Variants in MS4A18 observed in about 807,000 individuals in gnomAD.
MS4A18 encodes the protein membrane spanning 4-domains A18.
MS4A18 carries 27 observed loss-of-function variants against 13.1 expected under a neutral mutation model. That is an observed-to-expected ratio of 2.06 (90% confidence interval 1.52 to 2.84). The LOEUF is 2.84. Ranked by LOEUF, MS4A18 falls within the 30% of genes most tolerant of loss-of-function variation. MS4A18 has a pLI of 0.00. For synonymous variants in MS4A18, 126 were observed against 76.5 expected (o/e 1.65, Z -3.38); for missense variants, 307 against 196.4 (o/e 1.56, Z -3.37).
chr11:60,728,631 G>A (rs570713970), upstream of MS4A18, among the ~76,000 whole-genome samples: 4 of 151,450 alleles, frequency 2.6e-5, no homozygotes, highest in African/African-American at 4.8e-5. Flanking sequence ...CTTTCTCTGC[G>A]TGTGTGTCTG....
intron 2 of MS4A18, among the ~76,000 whole-genome samples, chr11:60,736,419 C>T (rs1853340683): frequency 6.6e-6 from 1 of 152,060 alleles, no homozygotes; most frequent in East Asian, 1.9e-4. Context: ...CTGAACAGAG[C>T]TCTTACTGCT....
At chr11:60,733,213 C>T (rs1375703898) in intron 1 of MS4A18, among the ~76,000 whole-genome samples, 3 of 152,238 alleles carry the variant, frequency 2.0e-5, no homozygotes, top group Non-Finnish European at 2.9e-5. Context: ...AGCCACAACC[C>T]GGGCTCGGCC....
At chr11:60,728,937 AC>A (rs1853207637), upstream of MS4A18, among the ~76,000 whole-genome samples, 1 of 151,916 alleles carries the variant, frequency 6.6e-6, no homozygotes, top group Admixed American at 6.6e-5. Flanking sequence ...TCAGTTGTTC[AC>A]CCCCAGATCA....
At chr11:60,744,945 C>A (rs1403048493), downstream of MS4A18, among the ~76,000 whole-genome samples, 2 of 152,218 alleles carry the variant, frequency 1.3e-5, no homozygotes, top group Non-Finnish European at 2.9e-5. Context: ...TATTATAAAG[C>A]AAAGTATACA....
upstream of MS4A18, among the ~76,000 whole-genome samples, chr11:60,726,806 A>C (rs147329367): frequency 9.7e-3 from 1,453 of 150,092 alleles, 17 homozygotes; most frequent in East Asian, 0.053. Flanking sequence ...CATGTGCAGA[A>C]CGTGCAGGCT....
At chr11:60,724,856 C>T (rs546120419), upstream of MS4A18, among the ~76,000 whole-genome samples, 8 of 152,140 alleles carry the variant, frequency 5.3e-5, no homozygotes, top group Non-Finnish European at 7.4e-5. Flanking sequence ...CCAGCAGAGA[C>T]GTGGACCTAG....
At chr11:60,728,757 C>T (rs1853205184), upstream of MS4A18, among the ~76,000 whole-genome samples, 1 of 151,880 alleles carries the variant, frequency 6.6e-6, no homozygotes, top group African/African-American at 2.4e-5. Flanking sequence ...CTCTCCCTCC[C>T]CCAATGCTTC....
chr11:60,741,221 A>T (rs1014099186), intron 5 of MS4A18, 78 bp downstream of exon 6: 2 of 700,116 alleles, frequency 2.9e-6, no homozygotes, highest in African/African-American at 3.5e-5. Context: ...GTAACCAGAG[A>T]TCTGGAGAAA....
At chr11:60,736,353 G>T (rs1853339463) in intron 2 of MS4A18, among the ~76,000 whole-genome samples, 3 of 151,602 alleles carry the variant, frequency 2.0e-5, no homozygotes, top group Admixed American at 2.0e-4. Flanking sequence ...CTCATAGCCA[G>T]AAAGTGCTGG....
intron 2 of MS4A18, among the ~76,000 whole-genome samples, chr11:60,735,736 T>C (rs1853329852): frequency 7.0e-6 from 1 of 142,628 alleles, no homozygotes. Context: ...CAATCTTGGC[T>C]CACTTCAACC....
intron 3 of MS4A18, among the ~76,000 whole-genome samples, chr11:60,738,370 C>A (rs1853371697): frequency 1.3e-5 from 2 of 152,336 alleles, no homozygotes; most frequent in South Asian, 4.1e-4. Context: ...GGGACCAAGT[C>A]TCCCCGACTC....
intron 1 of MS4A18, among the ~76,000 whole-genome samples, chr11:60,732,149 A>G (rs769535761): frequency 3.4e-4 from 51 of 152,102 alleles, no homozygotes; most frequent in Non-Finnish European, 2.1e-4. Context: ...AGGAGCCCCA[A>G]ATGAGAGGGG....
At chr11:60,735,215 A>G (rs916192803) in intron 2 of MS4A18, among the ~76,000 whole-genome samples, 2 of 152,206 alleles carry the variant, frequency 1.3e-5, no homozygotes, top group Non-Finnish European at 2.9e-5. Context: ...ATGAACACCT[A>G]CGTGTCCACC....
chr11:60,734,400 T>C (rs1162088576), intron 2 of MS4A18, among the ~76,000 whole-genome samples: 1 of 152,204 alleles, frequency 6.6e-6, no homozygotes, highest in Non-Finnish European at 1.5e-5. Context: ...AACCATTTGG[T>C]AGCAGGAAGT....
upstream of MS4A18, among the ~76,000 whole-genome samples, chr11:60,725,256 C>G (rs566571937): frequency 2.0e-5 from 3 of 152,112 alleles, no homozygotes; most frequent in Non-Finnish European, 4.4e-5. Flanking sequence ...TGCAGTGGCG[C>G]GATCTCGGCT....
intron 1 of MS4A18, among the ~76,000 whole-genome samples, chr11:60,731,883 T>C (rs925857124): frequency 6.6e-6 from 1 of 152,182 alleles, no homozygotes; most frequent in Non-Finnish European, 1.5e-5. Flanking sequence ...AGTGTGTTTA[T>C]GTAAAATTAA....
Position 60,729,674 on chromosome 11 carries a change from C to T in MS4A18, c.359C>T (p.Ala120Val), listed in dbSNP as rs955322997. 4.7e-5 allele frequency: 33 copies of T among 702,672 alleles called. 1 individual carries two copies. The African/African-American group carries it at 5.4e-4, about 12-fold the overall frequency. The allele number at this position is 702,672 out of a possible 1,614,324, so 43.5% of individuals were successfully genotyped here. A position where few individuals can be genotyped will look rare whatever the true frequency, so the allele number is the denominator to read the frequency against. ...GGAGACCTTCAGAATCCTCTGAATGCTAACCCTGGGCTGACACACACCTCA... is the reference window on the plus strand; with the variant it reads ...GGAGACCTTCAGAATCCTCTGAATGTTAACCCTGGGCTGACACACACCTCA... Residue 120 changes from alanine (A) to valine (V), a missense_variant, in exon 1 of 6, where the codon GCT (alanine) becomes GTT (valine). Physicochemically the swap from Ala to Val is moderately conservative, Grantham distance 64 (BLOSUM62 0). Transcript: ENST00000529108.
intron 1 of MS4A18, among the ~76,000 whole-genome samples, chr11:60,732,321 G>A (rs1317689844): frequency 6.6e-6 from 1 of 152,064 alleles, no homozygotes; most frequent in Non-Finnish European, 1.5e-5. Context: ...AGGGGACAGA[G>A]GATCTCCCCT....
At chr11:60,725,353 C>A (rs1853134356), upstream of MS4A18, among the ~76,000 whole-genome samples, 1 of 152,128 alleles carries the variant, frequency 6.6e-6, no homozygotes, top group South Asian at 2.1e-4. Context: ...GCCACCACGC[C>A]CGGCTAATTT....
Sources: gnomAD v4.1 joint callset for allele counts (sites outside exome capture counted in the v4.1 genomes callset) on GRCh38, gnomAD v4.1.1 for gene constraint, MANE v1.5 for transcripts, NCBI Gene and HGNC (gene_info 2026-07-23, HGNC 2026-07-21) for gene names.